KCNQ5: variants seen among roughly 807,000 people sequenced by gnomAD.
The protein encoded by KCNQ5 is potassium voltage-gated channel subfamily KQT member 5.
KCNQ5 carries 30 observed loss-of-function variants against 98.2 expected under a neutral mutation model. The ratio of observed to expected loss-of-function variants is 0.31; its 90% CI spans 0.23 to 0.41. The LOEUF (loss-of-function observed/expected upper bound fraction) is 0.41. Among genes scored for constraint, KCNQ5 ranks in the 10% least tolerant of loss-of-function variants. The pLI, the probability that KCNQ5 is intolerant of heterozygous loss-of-function variation, is 1.00. For missense variants in KCNQ5, 835 were observed against 1,182.5 expected (o/e 0.71, Z 4.31); for synonymous variants, 458 against 449.4 (o/e 1.02, Z -0.24).
intron 1 of KCNQ5, among the ~76,000 whole-genome samples, chr6:72,731,985 C>T (rs184457000): frequency 2.0e-5 from 3 of 152,166 alleles, no homozygotes; most frequent in African/African-American, 4.8e-5. Flanking sequence ...AAAACCTGAG[C>T]TAGATATTGC....
intron 1 of KCNQ5, among the ~76,000 whole-genome samples, chr6:72,897,027 G>T (rs1470472253): frequency 2.6e-5 from 4 of 151,890 alleles, no homozygotes; most frequent in Non-Finnish European, 5.9e-5. Flanking sequence ...AGTCATCTTA[G>T]GAGGTCATTC....
intron 1 of KCNQ5, among the ~76,000 whole-genome samples, chr6:72,744,814 A>C (rs1199869106): frequency 6.6e-6 from 1 of 152,152 alleles, no homozygotes; most frequent in Non-Finnish European, 1.5e-5. Context: ...CGTCTAAAAA[A>C]AAAAAGAAAA....
intron 1 of KCNQ5, among the ~76,000 whole-genome samples, chr6:72,779,143 G>A (rs1030179037): frequency 9.9e-5 from 15 of 152,116 alleles, no homozygotes; most frequent in African/African-American, 3.4e-4. Flanking sequence ...GATCTTGTCT[G>A]TTTGATTTGG....
intron 1 of KCNQ5, among the ~76,000 whole-genome samples, chr6:72,745,783 G>A (rs1582211336): frequency 1.3e-5 from 2 of 152,138 alleles, no homozygotes; most frequent in Admixed American, 6.5e-5. Context: ...TGAAGTCAAG[G>A]TGTGTCTGAA....
chr6:73,040,250 A>G (rs991615866), intron 2 of KCNQ5, among the ~76,000 whole-genome samples: 7 of 152,200 alleles, frequency 4.6e-5, no homozygotes, highest in African/African-American at 1.7e-4. Flanking sequence ...TCGGGGGCTC[A>G]GGCCACATTT....
At position 72,875,768 on chromosome 6, in the gene KCNQ5, T is replaced by C. The variant is rs374586866; in HGVS notation, c.399-128140T>C. Reference sequence around the variant, plus strand: ...TCAGAAATATTAATTGAAATAAATTTAACATATAATGAATAATATTATCAT... The same window carrying C: ...TCAGAAATATTAATTGAAATAAATTCAACATATAATGAATAATATTATCAT... On this transcript the variant is annotated intron_variant, in intron 1 of 13. Coordinates refer to ENST00000370398, the MANE Select transcript of KCNQ5 (RefSeq NM_019842.4). Among the ~76,000 whole-genome samples the C allele has an allele frequency of 8.5e-5, 13 of 152,252 alleles. No individual in the cohort carries two copies. In the East Asian group the frequency reaches 1.9e-3, roughly 23 times the overall value.
intron 1 of KCNQ5, among the ~76,000 whole-genome samples, chr6:72,890,907 C>A (rs1408190021): frequency 2.6e-5 from 4 of 152,152 alleles, no homozygotes; most frequent in African/African-American, 4.8e-5. Context: ...TGAACTCTAT[C>A]CAAGTATCTG....
intron 1 of KCNQ5, among the ~76,000 whole-genome samples, chr6:72,780,894 T>C (rs1054555198): frequency 6.6e-6 from 1 of 152,156 alleles, no homozygotes; most frequent in African/African-American, 2.4e-5. Context: ...AATTTAATCA[T>C]AGAAAAGAAA....
At chr6:72,920,497 T>C (rs998317743) in intron 1 of KCNQ5, among the ~76,000 whole-genome samples, 5 of 152,194 alleles carry the variant, frequency 3.3e-5, no homozygotes, top group African/African-American at 1.2e-4. Flanking sequence ...ATACTCCCCA[T>C]AGCTTGCTCT....
At chr6:72,650,905 G>A (rs9442831) in intron 1 of KCNQ5, among the ~76,000 whole-genome samples, 38,151 of 151,994 alleles carry the variant, frequency 0.25, 6,384 homozygotes, top group East Asian at 0.5. Flanking sequence ...ATGGAGGAGA[G>A]GATGGTCAGA....
At chr6:73,055,774 C>T in intron 3 of KCNQ5, 2 of 939,470 alleles carry the variant, frequency 2.1e-6, no homozygotes, top group Admixed American at 1.7e-5. Context: ...CCATCAAGCC[C>T]AGCCCACGCA....
At chr6:72,957,425 C>T (rs1323423569) in intron 1 of KCNQ5, among the ~76,000 whole-genome samples, 2 of 152,030 alleles carry the variant, frequency 1.3e-5, no homozygotes, top group Non-Finnish European at 2.9e-5. Flanking sequence ...CCTGCCTTGG[C>T]CTCCCAAAGT....
intron 1 of KCNQ5, among the ~76,000 whole-genome samples, chr6:72,866,252 C>CTTTTT (rs34839143): frequency 8.8e-6 from 1 of 113,768 alleles, no homozygotes; most frequent in African/African-American, 3.6e-5. Flanking sequence ...CGCCATCTCC[C>CTTTTT]TTTTTTTTTT....
At chr6:73,051,322 A>G (rs776899550) in intron 3 of KCNQ5, among the ~76,000 whole-genome samples, 2 of 152,118 alleles carry the variant, frequency 1.3e-5, no homozygotes, top group Non-Finnish European at 2.9e-5. Context: ...CGGCAGCCCC[A>G]TGGCCACCAG....
intron 9 of KCNQ5, 74 bp from the exon 10 acceptor site, chr6:73,133,347 T>A: frequency 7.9e-7 from 1 of 1,265,430 alleles, no homozygotes; most frequent in South Asian, 1.3e-5. Flanking sequence ...CACATGAGCT[T>A]CATCAAATTA....
At chr6:73,041,458 G>A (rs1011138801) in intron 2 of KCNQ5, among the ~76,000 whole-genome samples, 8 of 152,130 alleles carry the variant, frequency 5.3e-5, no homozygotes, top group South Asian at 2.1e-4. Flanking sequence ...AGTATACTTC[G>A]AAATATTTGC....
At chr6:73,141,659 AG>A (rs1323150734) in intron 10 of KCNQ5, among the ~76,000 whole-genome samples, 2 of 152,322 alleles carry the variant, frequency 1.3e-5, no homozygotes, top group Non-Finnish European at 2.9e-5. Context: ...GCAGAAACTG[AG>A]CTGCCAAATG....
At chr6:72,793,272 T>C (rs557114486) in intron 1 of KCNQ5, among the ~76,000 whole-genome samples, 3 of 152,342 alleles carry the variant, frequency 2.0e-5, no homozygotes, top group Admixed American at 2.0e-4. Flanking sequence ...GAAGAGAATA[T>C]TGTGGTTAGT....
chr6:73,170,511 T>C (rs1447099721), intron 11 of KCNQ5, among the ~76,000 whole-genome samples: 1 of 150,534 alleles, frequency 6.6e-6, no homozygotes, highest in East Asian at 1.9e-4. Flanking sequence ...GCTGGCCCAG[T>C]TTAACCCTTT....
Sources: gnomAD v4.1 joint callset for allele counts (sites outside exome capture counted in the v4.1 genomes callset) on GRCh38, gnomAD v4.1.1 for gene constraint, MANE v1.5 for transcripts, NCBI Gene and HGNC (gene_info 2026-07-23, HGNC 2026-07-21) for gene names.